GALM: variants seen among roughly 807,000 people sequenced by gnomAD.
GALM encodes aldose 1-epimerase.
In GALM, 43 loss-of-function variants were observed where a neutral mutation model predicts 37.4. That is an observed-to-expected ratio of 1.15 (90% CI 0.90 to 1.48). The LOEUF (loss-of-function observed/expected upper bound fraction) is 1.48, where lower values mean the gene tolerates loss of function less well. GALM is among the 40% of genes most tolerant of loss of function. The pLI, the probability that GALM is intolerant of heterozygous loss-of-function variation, is 0.00. For synonymous variants in GALM, 199 were observed against 170.6 expected (o/e 1.17, Z -1.30); for missense variants, 456 against 419.1 (o/e 1.09, Z -0.77).
chr2:38,688,373 T>C (rs1665592653), intron 3 of GALM, among the ~76,000 whole-genome samples: 1 of 151,800 alleles, frequency 6.6e-6, no homozygotes, highest in Admixed American at 6.6e-5. Flanking sequence ...TAGCCAGACG[T>C]GGTGGTGCAT....
intron 4 of GALM, among the ~76,000 whole-genome samples, chr2:38,691,279 A>G (rs1055021328): frequency 6.6e-6 from 1 of 152,218 alleles, no homozygotes; most frequent in East Asian, 1.9e-4. Flanking sequence ...ACAGGGCATA[A>G]TTTGTGCATT....
chr2:38,709,971 G>A (rs1315286621), intron 4 of GALM, among the ~76,000 whole-genome samples: 1 of 152,152 alleles, frequency 6.6e-6, no homozygotes. Context: ...GAGCAGCTGG[G>A]CTGGAAGCAC....
chr2:38,698,528 G>A, intron 4 of GALM: 9 of 558,132 alleles, frequency 1.6e-5, no homozygotes, highest in Non-Finnish European at 2.2e-5. Context: ...AAAAAAAAAG[G>A]AAAAAAATGA....
intron 2 of GALM, among the ~76,000 whole-genome samples, chr2:38,678,069 T>A (rs1277751625): frequency 2.0e-5 from 3 of 148,276 alleles, no homozygotes; most frequent in Admixed American, 6.9e-5. Flanking sequence ...CAGGCTGGAG[T>A]GCAATGGCGC....
At chr2:38,684,708 G>C (rs1047316009) in intron 3 of GALM, among the ~76,000 whole-genome samples, 1 of 152,138 alleles carries the variant, frequency 6.6e-6, no homozygotes, top group Non-Finnish European at 1.5e-5. Context: ...TCAGGAGGCC[G>C]AGGCATGAGA....
chr2:38,684,601 T>G (rs1263275646), intron 3 of GALM, among the ~76,000 whole-genome samples: 1 of 151,510 alleles, frequency 6.6e-6, no homozygotes, highest in Non-Finnish European at 1.5e-5. Context: ...AGGTCAGGAG[T>G]TCAAGACCAA....
chr2:38,685,195 C>T (rs375996722), intron 3 of GALM, among the ~76,000 whole-genome samples: 3 of 152,202 alleles, frequency 2.0e-5, no homozygotes, highest in East Asian at 3.8e-4. Flanking sequence ...CTAACCCAAT[C>T]GCCAGCAAGG....
chr2:38,688,837 A>T (rs1349716003), intron 3 of GALM, among the ~76,000 whole-genome samples: 1 of 152,148 alleles, frequency 6.6e-6, no homozygotes, highest in Non-Finnish European at 1.5e-5. Flanking sequence ...TTATTTTGAG[A>T]TGGAGTTTTG....
At chr2:38,696,781 CTTTTTTTTTTTT>C (rs34163863) in intron 4 of GALM, among the ~76,000 whole-genome samples, 3 of 68,474 alleles carry the variant, frequency 4.4e-5, no homozygotes, top group South Asian at 5.6e-4. Flanking sequence ...CCCAAGAAAG[CTTTTTTTTTTTT>C]TTTTTTTTTT....
intron 4 of GALM, among the ~76,000 whole-genome samples, chr2:38,706,542 C>T (rs1214302290): frequency 4.1e-5 from 6 of 148,028 alleles, no homozygotes; most frequent in South Asian, 2.2e-4. Context: ...TAGCCAGGTG[C>T]GGTGGCCCAC....
chr2:38,705,264 G>T (rs1306334673), intron 4 of GALM, among the ~76,000 whole-genome samples: 1 of 152,190 alleles, frequency 6.6e-6, no homozygotes, highest in East Asian at 1.9e-4. Context: ...AAGGGGCTTA[G>T]TGGGACTGTG....
At chr2:38,703,493 A>G (rs111862747) in intron 4 of GALM, among the ~76,000 whole-genome samples, 13,222 of 152,068 alleles carry the variant, frequency 0.087, 655 homozygotes, top group Non-Finnish European at 0.11. Context: ...TCCACTAGCT[A>G]TGCTATGAGT....
intron 1 of GALM, chr2:38,668,921 T>C (rs1213548722): frequency 6.6e-6 from 1 of 152,160 alleles, no homozygotes; most frequent in African/African-American, 2.4e-5. Context: ...CCATGAGACA[T>C]GGTCCTTTTG....
intron 4 of GALM, among the ~76,000 whole-genome samples, chr2:38,704,595 A>G (rs1666001796): frequency 6.6e-6 from 1 of 151,782 alleles, no homozygotes; most frequent in Non-Finnish European, 1.5e-5. Flanking sequence ...GGATTGCTTG[A>G]ACCCAGGGGT....
intron 1 of GALM, among the ~76,000 whole-genome samples, chr2:38,674,191 CTT>C (rs202079509): frequency 0.016 from 2,092 of 134,368 alleles, 46 homozygotes; most frequent in African/African-American, 0.051. Flanking sequence ...ACAGCTTATA[CTT>C]TTTTTTTTTT....
At chr2:38,680,921 A>T (rs1665377879) in intron 2 of GALM, among the ~76,000 whole-genome samples, 1 of 152,126 alleles carries the variant, frequency 6.6e-6, no homozygotes, top group Non-Finnish European at 1.5e-5. Flanking sequence ...GGATCACTTG[A>T]GGTCAGGAGT....
rs1666673865 is a variant in GALM, at chr2:38,734,689, T to TG, written c.*1125dup. Reference sequence around the variant, plus strand: ...AGTGATGGGTTTTGGTTGGTGATTTTGAAAAAAAAAAAAAAAAGTATGTTA... The same window carrying TG: ...AGTGATGGGTTTTGGTTGGTGATTTTGGAAAAAAAAAAAAAAAAGTATGTTA... On this transcript the variant is annotated 3_prime_UTR_variant, in exon 7 of 7. Transcript: ENST00000272252. 1 of 29,072 alleles carries TG rather than the reference T, an allele frequency of 3.4e-5. No individual in the cohort carries two copies. The highest frequency in any genetic ancestry group is 1.5e-3 in the South Asian group (1 of 664). 1.8% of individuals were successfully genotyped at this position (29,072 alleles called of 1,614,324 possible). A position where few individuals can be genotyped will look rare whatever the true frequency, so the allele number is the denominator to read the frequency against.
chr2:38,685,646 A>G (rs1665499527), intron 3 of GALM, among the ~76,000 whole-genome samples: 1 of 152,224 alleles, frequency 6.6e-6, no homozygotes, highest in African/African-American at 2.4e-5. Flanking sequence ...GTAATATTCC[A>G]CCAGAGTAGA....
Position 38,720,888 on chromosome 2 carries a change from C to T in GALM, c.635-8668C>T, listed in dbSNP as rs567905295. Among the ~76,000 whole-genome samples the T allele has an allele frequency of 5.9e-5, 9 of 152,286 alleles. No individual in the cohort carries two copies. In the South Asian group the frequency reaches 1.9e-3, roughly 32 times the overall value. ...AGAGAGAGAGAGGGCGAGGCTGGAG[C>T]CTTTTACATAACCTGGCTGCAGAAA... On this transcript the variant is annotated intron_variant, in intron 4 of 6. Transcript: ENST00000272252.
Sources: allele counts gnomAD v4.1 joint callset (sites outside exome capture counted in the v4.1 genomes callset), GRCh38; gene constraint gnomAD v4.1.1; transcripts MANE v1.5; gene names NCBI Gene and HGNC (gene_info 2026-07-23, HGNC 2026-07-21).